The following ERBB4 variants were observed in gnomAD, a reference collection of about 807,000 sequenced individuals.
ERBB4 encodes the protein erb-b2 receptor tyrosine kinase 4.
In ERBB4, 42 loss-of-function variants were observed where a neutral mutation model predicts 158.0. The ratio of observed to expected loss-of-function variants is 0.27; its 90% CI spans 0.21 to 0.34. The LOEUF is 0.34. ERBB4 is among the 10% of genes least tolerant of loss of function. The pLI is 1.00. For synonymous variants in ERBB4, 583 were observed against 558.7 expected, an observed-to-expected ratio of 1.04 and a Z score of -0.61; for missense variants, 1,333 against 1,624.1, an observed-to-expected ratio of 0.82 and a Z score of 3.08.
intron 25 of ERBB4, among the ~76,000 whole-genome samples, chr2:211,415,764 T>C (rs1229612047): frequency 1.3e-5 from 2 of 152,240 alleles, no homozygotes; most frequent in Non-Finnish European, 2.9e-5. Context: ...TAGAAATTGA[T>C]CAAATTTTTG....
chr2:212,332,742 T>C (rs906380279), intron 1 of ERBB4, among the ~76,000 whole-genome samples: 2 of 152,046 alleles, frequency 1.3e-5, no homozygotes, highest in Non-Finnish European at 2.9e-5. Flanking sequence ...CTTTTTAATC[T>C]CGAAACTTAG....
At chr2:211,733,276 G>A (rs1247421659) in intron 5 of ERBB4, among the ~76,000 whole-genome samples, 1 of 152,204 alleles carries the variant, frequency 6.6e-6, no homozygotes, top group Non-Finnish European at 1.5e-5. Context: ...CTTCTTAATA[G>A]GCTATTAGCA....
intron 3 of ERBB4, among the ~76,000 whole-genome samples, chr2:211,873,953 A>T (rs16847157): frequency 0.075 from 11,428 of 152,118 alleles, 508 homozygotes; most frequent in East Asian, 0.16. Flanking sequence ...CTTCACTCTG[A>T]TTCTTCCAAA....
chr2:211,879,778 C>T (rs2078611889), intron 3 of ERBB4, among the ~76,000 whole-genome samples: 1 of 151,886 alleles, frequency 6.6e-6, no homozygotes, highest in Non-Finnish European at 1.5e-5. Flanking sequence ...TATTATAGCA[C>T]ATTTACACAA....
At chr2:212,018,740 C>G (rs529432117) in intron 2 of ERBB4, among the ~76,000 whole-genome samples, 1 of 152,258 alleles carries the variant, frequency 6.6e-6, no homozygotes, top group Admixed American at 6.5e-5. Flanking sequence ...TTCAAAATCT[C>G]TTTCAATGAA....
At chr2:211,888,511 T>C (rs1235093665) in intron 3 of ERBB4, among the ~76,000 whole-genome samples, 10 of 152,252 alleles carry the variant, frequency 6.6e-5, no homozygotes, top group African/African-American at 1.4e-4. Context: ...GTTTCACTTA[T>C]GCAGGTAAAT....
intron 4 of ERBB4, among the ~76,000 whole-genome samples, chr2:211,773,631 T>TATATATATATATATATA (rs1559506301): frequency 2.2e-4 from 20 of 91,230 alleles, no homozygotes; most frequent in South Asian, 6.0e-4. Flanking sequence ...TATATATATA[T>TATATATATATATATATA]ATATATATAT....
In ERBB4 at chr2:211,925,639, C is replaced by T. The variant is rs115256950; in HGVS notation, c.421+21791G>A. On this transcript the variant is annotated intron_variant, in intron 3 of 27. Coordinates refer to ENST00000342788, the MANE Select transcript of ERBB4 (RefSeq NM_005235.3). Reference sequence around the variant, plus strand: ...CTTGTGATCCGCCCACCTCGGCCTCCGAAAGTGCTAGATAATAGGCATGAG... The same window carrying T: ...CTTGTGATCCGCCCACCTCGGCCTCTGAAAGTGCTAGATAATAGGCATGAG... Among the ~76,000 whole-genome samples the T allele has an allele frequency of 4.0e-3, 602 of 151,966 alleles. 4 individuals carry two copies. The highest frequency in any genetic ancestry group is 6.8e-3 in the Middle Eastern group (2 of 292).
At chr2:211,731,421 GAGGTTTGAACTAGA>G (rs2074423054) in intron 5 of ERBB4, among the ~76,000 whole-genome samples, 4 of 152,170 alleles carry the variant, frequency 2.6e-5, no homozygotes, top group African/African-American at 9.6e-5. Context: ...TACATACTTG[GAGGTTTGAACTAGA>G]AGGGAGAAAT....
chr2:211,729,076 T>G (rs545375210), intron 5 of ERBB4, among the ~76,000 whole-genome samples: 297 of 151,900 alleles, frequency 2.0e-3, no homozygotes, highest in Non-Finnish European at 3.2e-3. Flanking sequence ...ACTATTAAAA[T>G]ATTTTAAATT....
intron 20 of ERBB4, among the ~76,000 whole-genome samples, chr2:211,465,780 T>C (rs1040402375): frequency 1.3e-5 from 2 of 152,170 alleles, no homozygotes; most frequent in African/African-American, 2.4e-5. Context: ...TGAATTCTTA[T>C]TCTGTAACTT....
At chr2:212,090,912 A>T (rs2078755066) in intron 2 of ERBB4, among the ~76,000 whole-genome samples, 1 of 152,152 alleles carries the variant, frequency 6.6e-6, no homozygotes, top group African/African-American at 2.4e-5. Context: ...TGACATGTGC[A>T]ATTCTTCTTT....
intron 3 of ERBB4, among the ~76,000 whole-genome samples, chr2:211,944,108 CTATA>C (rs35918167): frequency 7.5e-6 from 1 of 133,114 alleles, no homozygotes; most frequent in African/African-American, 3.0e-5. Context: ...CATGGTTACA[CTATA>C]TATATATACA....
intron 2 of ERBB4, among the ~76,000 whole-genome samples, chr2:211,952,958 C>A (rs2080916795): frequency 6.6e-6 from 1 of 151,770 alleles, no homozygotes; most frequent in African/African-American, 2.4e-5. Flanking sequence ...ACATTTATAT[C>A]TTGCTTATGC....
intron 20 of ERBB4, among the ~76,000 whole-genome samples, chr2:211,501,475 ATTG>A (rs2065613870): frequency 6.9e-6 from 1 of 145,184 alleles, no homozygotes. Flanking sequence ...AATATGTACA[ATTG>A]TTATGTATCC....
At chr2:211,461,450 G>A (rs772680406) in intron 20 of ERBB4, among the ~76,000 whole-genome samples, 2 of 152,170 alleles carry the variant, frequency 1.3e-5, no homozygotes, top group African/African-American at 4.8e-5. Flanking sequence ...AACAAGGGAT[G>A]TCAGAGGATC....
intron 1 of ERBB4, among the ~76,000 whole-genome samples, chr2:212,291,595 C>G (rs1002715144): frequency 1.3e-5 from 2 of 151,798 alleles, no homozygotes; most frequent in African/African-American, 4.8e-5. Context: ...TTTTTTCTTT[C>G]TTTTATATGG....
intron 1 of ERBB4, among the ~76,000 whole-genome samples, chr2:212,308,230 G>A (rs2086887140): frequency 6.6e-6 from 1 of 151,060 alleles, no homozygotes; most frequent in East Asian, 2.0e-4. Flanking sequence ...GAATTAATAT[G>A]GACCTCATTT....
At chr2:212,217,590 T>G (rs556309532) in intron 1 of ERBB4, among the ~76,000 whole-genome samples, 1 of 151,328 alleles carries the variant, frequency 6.6e-6, no homozygotes, top group Admixed American at 6.6e-5. Flanking sequence ...AGTACCAGTT[T>G]CCAAAGGAAA....
Sources: gnomAD v4.1 joint callset for allele counts (sites outside exome capture counted in the v4.1 genomes callset) on GRCh38, gnomAD v4.1.1 for gene constraint, MANE v1.5 for transcripts, NCBI Gene and HGNC (gene_info 2026-07-23, HGNC 2026-07-21) for gene names.